Variants in METTL24 observed in about 807,000 individuals in gnomAD.
METTL24 encodes probable methyltransferase-like protein 24.
In METTL24, 29 loss-of-function variants were observed where a neutral mutation model predicts 32.7. The ratio of observed to expected loss-of-function variants is 0.89; its 90% CI spans 0.66 to 1.21. The LOEUF is 1.21. Ranked by LOEUF, METTL24 falls within the 50% of genes most tolerant of loss-of-function variation. METTL24 has a pLI of 0.00. For synonymous variants in METTL24, 163 were observed against 179.5 expected (o/e 0.91, Z 0.73); for missense variants, 439 against 468.1 (o/e 0.94, Z 0.57).
chr6:110,269,722 G>A (rs778270340), intron 4 of METTL24, among the ~76,000 whole-genome samples: 1 of 152,052 alleles, frequency 6.6e-6, no homozygotes, highest in Non-Finnish European at 1.5e-5. Context: ...TTTGAATTGC[G>A]GAAGCAGAAA....
At chr6:110,343,014 T>A (rs1209578546) in intron 1 of METTL24, among the ~76,000 whole-genome samples, 4 of 152,236 alleles carry the variant, frequency 2.6e-5, no homozygotes, top group Non-Finnish European at 5.9e-5. Context: ...CTATGAATAA[T>A]CATGGACAAG....
At position 110,358,299 on chromosome 6, in the gene METTL24, C is replaced by T. The variant is rs1319272189; in HGVS notation, c.-27G>A. On this transcript the variant is annotated 5_prime_UTR_variant, in exon 1 of 5. Transcript: ENST00000338882. ...GCGCTACACTCGGGGTCCCGCGGGCCGCGCCTGGCCGGCAGCAGGGATGTA... is the reference window on the plus strand; with the variant it reads ...GCGCTACACTCGGGGTCCCGCGGGCTGCGCCTGGCCGGCAGCAGGGATGTA... The T allele has an allele frequency of 2.1e-6, 3 of 1,420,078 alleles. No individual in the cohort carries two copies. Among genetic ancestry groups the T allele is most frequent in the African/African-American group, 3.0e-5 (2 of 66,172 alleles). The allele number at this position is 1,420,078 out of a possible 1,614,324, so 88.0% of individuals were successfully genotyped here.
chr6:110,260,770 G>T (rs1310601856), intron 4 of METTL24, among the ~76,000 whole-genome samples: 2 of 152,128 alleles, frequency 1.3e-5, no homozygotes, highest in South Asian at 4.1e-4. Flanking sequence ...GTGATCTCTC[G>T]GCAGAAACTC....
chr6:110,353,770 TATG>T (rs1772656188), intron 1 of METTL24, among the ~76,000 whole-genome samples: 1 of 152,118 alleles, frequency 6.6e-6, no homozygotes, highest in South Asian at 2.1e-4. Context: ...ATGGGCCCTG[TATG>T]TTGCATCTGT....
intron 1 of METTL24, among the ~76,000 whole-genome samples, chr6:110,342,637 C>T (rs1772381959): frequency 6.6e-6 from 1 of 152,188 alleles, no homozygotes; most frequent in South Asian, 2.1e-4. Flanking sequence ...GTGCAACTGA[C>T]ACCATTATCT....
chr6:110,273,756 C>T (rs1173732992), intron 4 of METTL24, among the ~76,000 whole-genome samples: 3 of 152,164 alleles, frequency 2.0e-5, no homozygotes, highest in Non-Finnish European at 4.4e-5. Context: ...GAAAAGGGAA[C>T]ACTTTTACAG....
At chr6:110,326,762 C>T (rs571925107) in intron 1 of METTL24, among the ~76,000 whole-genome samples, 7 of 152,184 alleles carry the variant, frequency 4.6e-5, no homozygotes, top group Non-Finnish European at 7.3e-5. Context: ...GGAATACAGC[C>T]AATCCTATTA....
At position 110,343,291 on chromosome 6, in the gene METTL24, A is replaced by G. The variant is rs955304049; in HGVS notation, c.318+14664T>C. Among the ~76,000 whole-genome samples, 6 of 152,354 alleles carry G rather than the reference A, an allele frequency of 3.9e-5. No homozygotes were observed. In the South Asian group the frequency reaches 1.0e-3, roughly 26 times the overall value. On this transcript the variant is annotated intron_variant, in intron 1 of 4. Coordinates refer to ENST00000338882, the MANE Select transcript of METTL24 (RefSeq NM_001123364.3). ...ACTAATAATATATTTCCCCTGTACC[A>G]TAACACAGCAGTAGCCATAGCTAGG...
At chr6:110,274,531 A>G (rs1771010776) in intron 4 of METTL24, among the ~76,000 whole-genome samples, 1 of 152,150 alleles carries the variant, frequency 6.6e-6, no homozygotes. Context: ...GGTATAAGGG[A>G]TAAAAGACTA....
At chr6:110,249,861 G>A (rs1778243057) in intron 4 of METTL24, among the ~76,000 whole-genome samples, 1 of 151,988 alleles carries the variant, frequency 6.6e-6, no homozygotes, top group South Asian at 2.1e-4. Context: ...AAGAAAGAAG[G>A]TGAAACAACT....
At chr6:110,316,539 G>A (rs1255860615) in intron 2 of METTL24, among the ~76,000 whole-genome samples, 4 of 152,210 alleles carry the variant, frequency 2.6e-5, no homozygotes, top group East Asian at 3.8e-4. Context: ...TGCAAAGAAC[G>A]TTTTGAGATT....
intron 4 of METTL24, among the ~76,000 whole-genome samples, chr6:110,257,039 A>C (rs1778398308): frequency 6.6e-6 from 1 of 152,206 alleles, no homozygotes; most frequent in Non-Finnish European, 1.5e-5. Context: ...GATTTTTCTA[A>C]AACTCTTATC....
At chr6:110,318,475 C>T (rs2114750290) in intron 2 of METTL24, among the ~76,000 whole-genome samples, 1 of 151,830 alleles carries the variant, frequency 6.6e-6, no homozygotes, top group Non-Finnish European at 1.5e-5. Flanking sequence ...TGGTGAAACC[C>T]CGCCTTTACT....
intron 4 of METTL24, among the ~76,000 whole-genome samples, chr6:110,277,514 G>A (rs1038276704): frequency 6.6e-6 from 1 of 152,136 alleles, no homozygotes; most frequent in Non-Finnish European, 1.5e-5. Flanking sequence ...ATCCTTTGCT[G>A]TCCAATAATT....
intron 1 of METTL24, among the ~76,000 whole-genome samples, chr6:110,324,637 G>C (rs1301578873): frequency 6.6e-6 from 1 of 152,144 alleles, no homozygotes; most frequent in Non-Finnish European, 1.5e-5. Flanking sequence ...CTTCCCTGAG[G>C]GACACCTTCT....
intron 1 of METTL24, among the ~76,000 whole-genome samples, chr6:110,326,554 C>T (rs1053650827): frequency 6.6e-6 from 1 of 152,212 alleles, no homozygotes; most frequent in Admixed American, 6.5e-5. Flanking sequence ...CTTGGGCAAT[C>T]AGTCAGGGAC....
At chr6:110,343,869 G>A (rs139302101) in intron 1 of METTL24, among the ~76,000 whole-genome samples, 2 of 152,298 alleles carry the variant, frequency 1.3e-5, no homozygotes, top group Non-Finnish European at 2.9e-5. Context: ...AGTGCAGAGC[G>A]AAGAGGAGAC....
intron 2 of METTL24, among the ~76,000 whole-genome samples, chr6:110,317,839 C>A (rs1771854149): frequency 6.6e-6 from 1 of 152,068 alleles, no homozygotes; most frequent in African/African-American, 2.4e-5. Context: ...TCCTGGGCCT[C>A]CCTCCAGATC....
intron 1 of METTL24, among the ~76,000 whole-genome samples, chr6:110,356,210 G>A (rs1772693844): frequency 6.6e-6 from 1 of 152,140 alleles, no homozygotes; most frequent in Non-Finnish European, 1.5e-5. Flanking sequence ...TTGGGGGATT[G>A]AGGCGGGTGG....
Sources: gnomAD v4.1 joint callset for allele counts (sites outside exome capture counted in the v4.1 genomes callset) on GRCh38, gnomAD v4.1.1 for gene constraint, MANE v1.5 for transcripts, NCBI Gene and HGNC (gene_info 2026-07-23, HGNC 2026-07-21) for gene names.